The following SRGAP3 variants were observed in gnomAD, a reference collection of about 807,000 sequenced individuals.
SRGAP3 encodes SLIT-ROBO Rho GTPase activating protein 3, also known as SLIT-ROBO Rho GTPase-activating protein 3.
SRGAP3 carries 39 observed loss-of-function variants against 121.1 expected under a neutral mutation model. The ratio of observed to expected loss-of-function variants is 0.32; its 90% CI spans 0.25 to 0.42. The LOEUF (loss-of-function observed/expected upper bound fraction) is 0.42. Among genes scored for constraint, SRGAP3 ranks in the 10% least tolerant of loss-of-function variants. SRGAP3 has a pLI of 1.00. For synonymous variants in SRGAP3, 601 were observed against 570.0 expected, an observed-to-expected ratio of 1.05 and a Z score of -0.77; for missense variants, 1,213 against 1,470.6, an observed-to-expected ratio of 0.82 and a Z score of 2.86.
chr3:9,265,374 G>A (rs1954337434), intron 3 of SRGAP3, among the ~76,000 whole-genome samples: 1 of 152,134 alleles, frequency 6.6e-6, no homozygotes, highest in Non-Finnish European at 1.5e-5. Context: ...ATTGACAAAT[G>A]GGGTCTAATT....
Position 9,109,442 on chromosome 3 carries a change from G to A in SRGAP3, c.261-4600C>T, listed in dbSNP as rs1948536142. 1.3e-5 allele frequency among the ~76,000 whole-genome samples: 2 copies of A among 152,196 alleles called. No individual in the cohort carries two copies. Among genetic ancestry groups the A allele is most frequent in the African/African-American group, 4.8e-5 (2 of 41,452 alleles). ...CAGGAGGCAGAGCGAGCCAAGGCAA[G>A]GAGGAGGATGTTACCCGAAAGCAGC... is the stretch of plus-strand genomic sequence containing the variant. On this transcript the variant is annotated intron_variant, in intron 2 of 21. Coordinates refer to ENST00000383836, the MANE Select transcript of SRGAP3 (RefSeq NM_014850.4). This position sits in a 1 kb window ranked among gnomAD's most constrained non-coding sequence, Gnocchi z 4.4.
chr3:9,017,679 G>A (rs940972896), intron 14 of SRGAP3, among the ~76,000 whole-genome samples: 1 of 152,096 alleles, frequency 6.6e-6, no homozygotes, highest in Non-Finnish European at 1.5e-5. Flanking sequence ...GATGATGATT[G>A]CCTAACTCTG....
intron 14 of SRGAP3, 35 bp downstream of exon 14, chr3:9,025,226 T>G: frequency 1.2e-6 from 2 of 1,611,780 alleles, no homozygotes; most frequent in Non-Finnish European, 1.7e-6. Flanking sequence ...TGGCTTCCCC[T>G]GGCCACAAGC....
At chr3:9,108,147 A>G (rs1010772672) in intron 2 of SRGAP3, among the ~76,000 whole-genome samples, 2 of 152,194 alleles carry the variant, frequency 1.3e-5, no homozygotes, top group Non-Finnish European at 2.9e-5. Flanking sequence ...GGGACCCCTT[A>G]TCTTCTAGAC....
At chr3:9,200,169 G>A (rs1290486236) in intron 1 of SRGAP3, among the ~76,000 whole-genome samples, 1 of 152,162 alleles carries the variant, frequency 6.6e-6, no homozygotes, top group Admixed American at 6.5e-5. Context: ...CTCATACCAT[G>A]AGCTGTAAAA....
intron 2 of SRGAP3, among the ~76,000 whole-genome samples, chr3:9,107,877 G>T (rs538309368): frequency 1.3e-5 from 2 of 152,350 alleles, no homozygotes; most frequent in South Asian, 4.1e-4. Context: ...TGCCTGCCAT[G>T]TAGCAGATGC....
At chr3:9,157,570 G>A (rs1950459590) in intron 1 of SRGAP3, among the ~76,000 whole-genome samples, 1 of 152,198 alleles carries the variant, frequency 6.6e-6, no homozygotes, top group South Asian at 2.1e-4. Flanking sequence ...ACAGGATGCT[G>A]TTGTCCTTAT....
At chr3:9,269,631 C>T (rs1320962869) in intron 3 of SRGAP3, among the ~76,000 whole-genome samples, 1 of 152,206 alleles carries the variant, frequency 6.6e-6, no homozygotes, top group Non-Finnish European at 1.5e-5. Flanking sequence ...CCAGCATCCT[C>T]ATGCTGTGTG....
intron 5 of SRGAP3, among the ~76,000 whole-genome samples, chr3:9,063,209 T>C (rs777032135): frequency 1.9e-4 from 28 of 145,896 alleles, no homozygotes; most frequent in Non-Finnish European, 3.7e-4. Flanking sequence ...CATGGCTCAC[T>C]GCAGCCTTGA....
At chr3:9,323,283 T>C (rs1040511570) in intron 3 of SRGAP3, among the ~76,000 whole-genome samples, 1 of 151,904 alleles carries the variant, frequency 6.6e-6, no homozygotes. Flanking sequence ...ATGTGTGCAA[T>C]TTTATGGAAC....
intron 3 of SRGAP3, among the ~76,000 whole-genome samples, chr3:9,264,954 C>A (rs557946168): frequency 6.6e-6 from 1 of 152,136 alleles, no homozygotes; most frequent in African/African-American, 2.4e-5. Context: ...GGAGGCATCA[C>A]GCTACCTGAC....
chr3:9,101,649 T>G (rs112698128), intron 3 of SRGAP3, among the ~76,000 whole-genome samples: 26 of 151,914 alleles, frequency 1.7e-4, no homozygotes, highest in African/African-American at 6.3e-4. Flanking sequence ...GCCGAAAGAG[T>G]TGCAGAAAGA....
intron 1 of SRGAP3, among the ~76,000 whole-genome samples, chr3:9,158,509 T>C (rs988218834): frequency 2.0e-5 from 3 of 152,180 alleles, no homozygotes; most frequent in Admixed American, 2.0e-4. Context: ...GATTGTGTGA[T>C]TGAACTGATT....
At position 9,058,313 on chromosome 3, in the gene SRGAP3, T is replaced by C. The variant is rs764090588; in HGVS notation, c.961A>G (p.Met321Val). 9 of 1,614,256 alleles carry C rather than the reference T, an allele frequency of 5.6e-6. No individual in the cohort carries two copies. The highest frequency in any genetic ancestry group is 2.2e-5 in the East Asian group (1 of 44,892). ...GGAGGGCAGAAGACTTGATTGCACATGTCCATGACTGTGTGCTTGTCACTT... is the reference window on the plus strand; with the variant it reads ...GGAGGGCAGAAGACTTGATTGCACACGTCCATGACTGTGTGCTTGTCACTT... ...SRSDKHTVMD[M>V]CNQVFCPPLK... Residue 321 changes from methionine (M) to valine (V), a missense_variant, in exon 7 of 22, where the codon ATG becomes GTG. By Grantham distance (21) the Met-to-Val change is conservative (BLOSUM62 1). This residue lies in a region of SRGAP3 where 793 missense variants were observed against 1,032.9 expected (regional missense o/e 0.77). Transcript: ENST00000383836.
At chr3:9,354,316 G>A (rs1055468768) in intron 1 of SRGAP3, among the ~76,000 whole-genome samples, 5 of 152,300 alleles carry the variant, frequency 3.3e-5, no homozygotes, top group Middle Eastern at 3.4e-3. Flanking sequence ...CTCTGCAGGA[G>A]AGGAAGAAGG....
At chr3:9,056,489 T>A (rs1262124379) in intron 7 of SRGAP3, among the ~76,000 whole-genome samples, 155 bp from the exon 8 acceptor site, 1 of 152,200 alleles carries the variant, frequency 6.6e-6, no homozygotes, top group Non-Finnish European at 1.5e-5. Flanking sequence ...AGCTCATAAG[T>A]GGCCGTGGCA....
At position 9,183,767 on chromosome 3, in the gene SRGAP3, A is replaced by C. The variant is rs1005483389; in HGVS notation, c.68-58850T>G. ...TATAGTACTAAAACACAAATTTGCT[A>C]ACACACACACACACACACACACACA... On this transcript the variant is annotated intron_variant, in intron 1 of 21. Transcript: ENST00000383836. Among the ~76,000 whole-genome samples, 152 of 148,282 alleles carry C rather than the reference A, an allele frequency of 1.0e-3. 1 individual carries two copies. Among genetic ancestry groups the C allele is most frequent in the Non-Finnish European group, 1.7e-3 (114 of 66,920 alleles).
Position 9,056,285 on chromosome 3 carries a change from C to T in SRGAP3, c.1073G>A (p.Arg358His), listed in dbSNP as rs750018126. ...CAGTCTGGACTGCAGCTGGTGATAA[C>T]GCATGAGCAGTTCTGTCTGGACGGG... ...QQPVQTELLM[R>H]YHQLQSRLAT... Residue 358 changes from arginine (R) to histidine (H), a missense_variant, in exon 8 of 22, where the codon CGT becomes CAT. Physicochemically the swap from Arg to His is conservative, Grantham distance 29. Coordinates refer to ENST00000383836, the MANE Select transcript of SRGAP3 (RefSeq NM_014850.4). 3 of 1,613,834 alleles carry T rather than the reference C, an allele frequency of 1.9e-6. No homozygotes were observed. The highest frequency in any genetic ancestry group is 1.3e-5 in the African/African-American group (1 of 74,920).
chr3:9,054,414 A>G (rs996487390), intron 8 of SRGAP3, among the ~76,000 whole-genome samples: 12 of 150,546 alleles, frequency 8.0e-5, no homozygotes, highest in African/African-American at 2.9e-4. Flanking sequence ...TCTTTAGACA[A>G]TAACTTAACT....
Sources: allele counts gnomAD v4.1 joint callset (sites outside exome capture counted in the v4.1 genomes callset), GRCh38; gene constraint gnomAD v4.1.1; regional missense constraint gnomAD v4.1.1; non-coding constraint Gnocchi (gnomAD v3.1); transcripts MANE v1.5; gene names NCBI Gene and HGNC (gene_info 2026-07-23, HGNC 2026-07-21).